LRRC9: variants seen among roughly 807,000 people sequenced by gnomAD.
LRRC9 encodes the protein leucine rich repeat containing 9.
LRRC9 carries 122 observed loss-of-function variants against 63.2 expected under a neutral mutation model. The observed-to-expected ratio is 1.93, with a 90% CI of 1.67 to 2.24. The LOEUF (loss-of-function observed/expected upper bound fraction) is 2.24. LRRC9 is among the 30% of genes most tolerant of loss of function. LRRC9 has a pLI of 0.00. For synonymous variants in LRRC9, 366 were observed against 213.1 expected, an observed-to-expected ratio of 1.72 and a Z score of -6.25; for missense variants, 1,071 against 627.7, an observed-to-expected ratio of 1.71 and a Z score of -7.55.
At chr14:59,960,262 G>A (rs1303632419) in intron 9 of LRRC9, among the ~76,000 whole-genome samples, 1 of 152,188 alleles carries the variant, frequency 6.6e-6, no homozygotes, top group African/African-American at 2.4e-5. Context: ...GTGGATTCCT[G>A]TCCTATCACT....
intron 15 of LRRC9, among the ~76,000 whole-genome samples, chr14:59,978,889 A>C (rs983289656): frequency 2.0e-5 from 3 of 152,206 alleles, no homozygotes; most frequent in Non-Finnish European, 4.4e-5. Flanking sequence ...ACAAATTTCC[A>C]AGTGTGTGTG....
chr14:59,992,412 C>A (rs1485323431), intron 17 of LRRC9, among the ~76,000 whole-genome samples: 1 of 152,202 alleles, frequency 6.6e-6, no homozygotes. Context: ...CGCCTCTTCT[C>A]GTCCAAAGGA....
chr14:59,965,845 T>C (rs1336376822), intron 10 of LRRC9, among the ~76,000 whole-genome samples: 2 of 116,064 alleles, frequency 1.7e-5, no homozygotes, highest in South Asian at 3.0e-4. Context: ...ATGGCGCCCC[T>C]GCACTCTAGC....
At chr14:60,037,948 T>C (rs988408387) in intron 29 of LRRC9, among the ~76,000 whole-genome samples, 1 of 152,208 alleles carries the variant, frequency 6.6e-6, no homozygotes. Context: ...TTGTATAAGA[T>C]GTAAGGAAGG....
At chr14:59,981,051 C>T (rs752289080) in intron 15 of LRRC9, among the ~76,000 whole-genome samples, 3 of 152,026 alleles carry the variant, frequency 2.0e-5, no homozygotes, top group Non-Finnish European at 2.9e-5. Context: ...AGTTAAATAT[C>T]GGGTGTTCCA....
At chr14:59,926,162 A>G (rs1305372038) in intron 1 of LRRC9, among the ~76,000 whole-genome samples, 4 of 152,296 alleles carry the variant, frequency 2.6e-5, no homozygotes, top group African/African-American at 7.2e-5. Flanking sequence ...CAATGTGAGA[A>G]CAGACTCTGG....
At chr14:59,994,979 G>A (rs144166245) in intron 17 of LRRC9, among the ~76,000 whole-genome samples, 129 of 149,902 alleles carry the variant, frequency 8.6e-4, no homozygotes, top group African/African-American at 2.3e-3. Context: ...TGCACGTTGC[G>A]CACATGTACC....
Position 59,960,032 on chromosome 14 carries a change from T to A in LRRC9, c.1079+18T>A, listed in dbSNP as rs1326887929. On this transcript the variant is annotated intron_variant, in intron 9 of 31. Transcript: ENST00000445360. ...CTAGATGAGTATGTTTAATTAATTATCTAGTTGTTCTGATCTGAAATGGAG... is the reference window on the plus strand; with the variant it reads ...CTAGATGAGTATGTTTAATTAATTAACTAGTTGTTCTGATCTGAAATGGAG... 1.6e-6 allele frequency: 1 copy of A among 631,106 alleles called. No individual in the cohort carries two copies. Among genetic ancestry groups the A allele is most frequent in the Non-Finnish European group, 2.8e-6 (1 of 351,710 alleles). 39.1% of individuals were successfully genotyped at this position (631,106 alleles called of 1,614,324 possible).
chr14:60,018,362 TA>T lies in LRRC9; in HGVS notation c.3318-6del. 2.9e-6 allele frequency: 2 copies of T among 700,138 alleles called. No homozygotes were observed. The highest frequency in any genetic ancestry group is 2.7e-5 in the East Asian group (1 of 37,096). 43.4% of individuals were successfully genotyped at this position (700,138 alleles called of 1,614,324 possible). On this transcript the variant is annotated splice_region_variant and splice_polypyrimidine_tract_variant and intron_variant, in intron 24 of 31. Transcript: ENST00000445360. Reference sequence around the variant, plus strand: ...AAATAATAGCTGTATTTACTTTGTCTAAATTCAGAACAGTGGATTTGATTCC... The same window carrying T: ...AAATAATAGCTGTATTTACTTTGTCTAATTCAGAACAGTGGATTTGATTCC...
intron 29 of LRRC9, among the ~76,000 whole-genome samples, chr14:60,049,454 T>A (rs1209183012): frequency 1.3e-5 from 2 of 152,216 alleles, no homozygotes; most frequent in African/African-American, 4.8e-5. Flanking sequence ...GGCCTGGTGG[T>A]GACAAATTCC....
At chr14:60,009,772 G>A (rs530449235) in intron 23 of LRRC9, among the ~76,000 whole-genome samples, 1 of 152,274 alleles carries the variant, frequency 6.6e-6, no homozygotes, top group East Asian at 1.9e-4. Flanking sequence ...GACAATGGGG[G>A]TACAGGCATT....
chr14:60,055,557 A>C (rs1428576009), intron 30 of LRRC9, among the ~76,000 whole-genome samples: 1 of 152,138 alleles, frequency 6.6e-6, no homozygotes, highest in Non-Finnish European at 1.5e-5. Context: ...ACAGTTTTGA[A>C]GGTCAGGAGT....
At chr14:60,043,556 T>A (rs1893135367) in intron 29 of LRRC9, among the ~76,000 whole-genome samples, 1 of 152,180 alleles carries the variant, frequency 6.6e-6, no homozygotes, top group Non-Finnish European at 1.5e-5. Flanking sequence ...TCATATGGTT[T>A]TTGTTCTTGA....
chr14:60,000,008 C>T lies in LRRC9; in HGVS notation c.2529+782C>T, dbSNP rs959060052. On this transcript the variant is annotated intron_variant, in intron 19 of 31. Transcript: ENST00000445360. Reference sequence around the variant, plus strand: ...ACATGCATTAATATGTTCATTGCAGCACTATTCACAATAGCGAAATCACAG... The same window carrying T: ...ACATGCATTAATATGTTCATTGCAGTACTATTCACAATAGCGAAATCACAG... 9.9e-5 allele frequency among the ~76,000 whole-genome samples: 15 copies of T among 152,196 alleles called. 1 individual carries two copies. Among genetic ancestry groups the T allele is most frequent in the Admixed American group, 6.6e-4 (10 of 15,266 alleles).
exon 3 of LRRC9, chr14:59,928,351 T>C: frequency 1.4e-6 from 1 of 691,344 alleles, no homozygotes; most frequent in East Asian, 2.7e-5. Context: ...TCTTAGGGTA[T>C]CCTCGTATAG....
intron 29 of LRRC9, among the ~76,000 whole-genome samples, chr14:60,052,316 C>T (rs1475587227): frequency 1.3e-5 from 2 of 152,200 alleles, no homozygotes; most frequent in Non-Finnish European, 2.9e-5. Context: ...TTATAAACTG[C>T]TGCTTTAGCA....
At chr14:60,056,524 T>C (rs1159528433) in intron 30 of LRRC9, among the ~76,000 whole-genome samples, 1 of 152,182 alleles carries the variant, frequency 6.6e-6, no homozygotes, top group Non-Finnish European at 1.5e-5. Context: ...GATTTTCCCC[T>C]TACAGTACTA....
intron 8 of LRRC9, among the ~76,000 whole-genome samples, chr14:59,952,505 C>T (rs191670421): frequency 6.6e-5 from 10 of 152,294 alleles, no homozygotes; most frequent in African/African-American, 2.4e-4. Flanking sequence ...TGTTCCTATT[C>T]GGCCATCTTG....
In LRRC9 at chr14:59,933,933, G is replaced by A. The variant is rs910563716; in HGVS notation, c.543+1894G>A. 3.9e-5 allele frequency among the ~76,000 whole-genome samples: 6 copies of A among 152,072 alleles called. No individual in the cohort carries two copies. In the East Asian group the frequency reaches 9.6e-4, roughly 24 times the overall value. The stretch of plus-strand genomic sequence containing the variant: ...ACACTAGAAAGGTCAATTGGGTCTC[G>A]AATATAGACTGTATTTTATAGACAA... On this transcript the variant is annotated intron_variant, in intron 6 of 31. Coordinates refer to ENST00000445360, the Ensembl canonical transcript of LRRC9.
Sources: allele counts gnomAD v4.1 joint callset (sites outside exome capture counted in the v4.1 genomes callset), GRCh38; gene constraint gnomAD v4.1.1; transcripts MANE v1.5; gene names NCBI Gene and HGNC (gene_info 2026-07-23, HGNC 2026-07-21).